Variants in BRD10 observed in about 807,000 individuals in gnomAD.
The protein encoded by BRD10 is uncharacterized bromodomain-containing protein 10.
At chr9:6,008,175 G>A in the BRD10 span, 1 of 975,620 alleles carries the variant, frequency 1.0e-6, no homozygotes, top group Non-Finnish European at 1.2e-6. Context: ...CGGGGGGCTG[G>A]GAGGGGGCGA....
At chr9:5,975,550 T>C in the BRD10 span, among the ~76,000 whole-genome samples, 1,318 of 149,184 alleles carry the variant, frequency 8.8e-3, 7 homozygotes, top group Non-Finnish European at 0.014. Flanking sequence ...ATGAGAGATA[T>C]AAAGAAGACC....
At chr9:5,911,637 C>A in the BRD10 span, among the ~76,000 whole-genome samples, 1 of 151,576 alleles carries the variant, frequency 6.6e-6, no homozygotes, top group South Asian at 2.1e-4. Context: ...CAGGTTCAAG[C>A]TATTCTTGTG....
At chr9:5,929,032 C>G in the BRD10 span, 2 of 1,385,858 alleles carry the variant, frequency 1.4e-6, no homozygotes, top group Non-Finnish European at 2.0e-6. Flanking sequence ...CAGATTATAA[C>G]ATTAAAATTA....
the BRD10 span, among the ~76,000 whole-genome samples, chr9:5,903,255 C>A: frequency 2.5e-4 from 38 of 152,184 alleles, 1 homozygote; most frequent in Admixed American, 2.0e-3. Context: ...GTGGTTTATC[C>A]TGGTTAATGT....
At chr9:5,917,198 A>G in the BRD10 span, among the ~76,000 whole-genome samples, 1 of 152,216 alleles carries the variant, frequency 6.6e-6, no homozygotes, top group African/African-American at 2.4e-5. Context: ...GTTTTGAAGA[A>G]GTGCTATGTT....
the BRD10 span, among the ~76,000 whole-genome samples, chr9:6,004,749 C>T: frequency 2.0e-5 from 3 of 152,324 alleles, no homozygotes; most frequent in South Asian, 6.2e-4. Flanking sequence ...CATGAACACT[C>T]TATAGAATAT....
At chr9:5,886,601 C>G in the BRD10 span, among the ~76,000 whole-genome samples, 1,510 of 152,272 alleles carry the variant, frequency 9.9e-3, 20 homozygotes, top group African/African-American at 0.034. Flanking sequence ...CTCTAGAGCT[C>G]CTGCTGTTAG....
At chr9:5,908,904 A>G in the BRD10 span, 11 of 560,948 alleles carry the variant, frequency 2.0e-5, no homozygotes, top group Non-Finnish European at 3.5e-5. Context: ...GAAATATTAA[A>G]TTGGGAAAAC....
chr9:5,986,094 G>T, the BRD10 span, among the ~76,000 whole-genome samples: 1 of 152,154 alleles, frequency 6.6e-6, no homozygotes, highest in African/African-American at 2.4e-5. Context: ...CGTTCAGCAT[G>T]CATTAGCTAT....
chr9:5,936,804 T>C, the BRD10 span, among the ~76,000 whole-genome samples: 2 of 152,220 alleles, frequency 1.3e-5, no homozygotes, highest in Middle Eastern at 3.2e-3. Context: ...TAGATTTAAA[T>C]TCAATTTTCC....
the BRD10 span, chr9:5,910,371 C>T: frequency 6.6e-6 from 1 of 152,266 alleles, no homozygotes; most frequent in Non-Finnish European, 1.5e-5. Context: ...AAAAAAACAA[C>T]ATTTAACAAA....
At chr9:5,983,962 T>TTTACACAC in the BRD10 span, among the ~76,000 whole-genome samples, 1 of 129,638 alleles carries the variant, frequency 7.7e-6, no homozygotes, top group Non-Finnish European at 1.6e-5. Context: ...GTATATGCAT[T>TTTACACAC]ACACACACAC....
At chr9:6,000,580 C>T in the BRD10 span, among the ~76,000 whole-genome samples, 97,012 of 152,086 alleles carry the variant, frequency 0.64, 32,447 homozygotes, top group Non-Finnish European at 0.77. Context: ...AGGCAAAATA[C>T]ATTAGAATCT....
chr9:5,903,294 T>A, the BRD10 span, among the ~76,000 whole-genome samples: 3 of 152,204 alleles, frequency 2.0e-5, no homozygotes, highest in African/African-American at 7.2e-5. Context: ...GTGTATTCTG[T>A]TGTCGTTGGA....
the BRD10 span, among the ~76,000 whole-genome samples, chr9:5,948,758 T>G: frequency 6.6e-6 from 1 of 152,058 alleles, no homozygotes; most frequent in African/African-American, 2.4e-5. Flanking sequence ...GGATCACACA[T>G]TCACTCCCGT....
the BRD10 span, among the ~76,000 whole-genome samples, chr9:5,985,722 TTG>T: frequency 1.3e-5 from 2 of 151,716 alleles, no homozygotes; most frequent in Non-Finnish European, 2.9e-5. Context: ...GAGGCGGAGG[TTG>T]TGGTGAGCCA....
chr9:5,919,959 G>A, the BRD10 span: 1 of 1,614,008 alleles, frequency 6.2e-7, no homozygotes, highest in Non-Finnish European at 8.5e-7. Flanking sequence ...TTAGCCAAAA[G>A]AGTAGCTGGA....
chr9:5,977,813 C>T, the BRD10 span, among the ~76,000 whole-genome samples: 6 of 151,982 alleles, frequency 3.9e-5, no homozygotes, highest in African/African-American at 1.4e-4. Context: ...CCAGCCTGGG[C>T]AACAGAGCGA....
chr9:5,956,804 G>C, the BRD10 span, among the ~76,000 whole-genome samples: 1 of 152,070 alleles, frequency 6.6e-6, no homozygotes, highest in South Asian at 2.1e-4. Flanking sequence ...TACTGTAATT[G>C]TCTGTTCTTA....
Sources: allele counts gnomAD v4.1 joint callset (sites outside exome capture counted in the v4.1 genomes callset), GRCh38; gene constraint gnomAD v4.1.1; transcripts MANE v1.5; gene names NCBI Gene and HGNC (gene_info 2026-07-23, HGNC 2026-07-21).